PLSCR4: variants seen among roughly 807,000 people sequenced by gnomAD.
PLSCR4 encodes the protein phospholipid scramblase 4, also known as Ca(2+)-dependent phospholipid scramblase 4.
PLSCR4 carries 25 observed loss-of-function variants against 36.3 expected under a neutral mutation model. The ratio of observed to expected loss-of-function variants is 0.69; its 90% CI spans 0.50 to 0.96. PLSCR4 has a LOEUF of 0.96. Ranked by LOEUF, PLSCR4 falls within the 40% of genes least tolerant of loss-of-function variation. The pLI is 0.00. For synonymous variants in PLSCR4, 122 were observed against 132.9 expected, an observed-to-expected ratio of 0.92 and a Z score of 0.56; for missense variants, 408 against 414.7, an observed-to-expected ratio of 0.98 and a Z score of 0.14.
chr3:146,213,334 C>CTTTTT (rs60242461), intron 3 of PLSCR4, among the ~76,000 whole-genome samples: 5,471 of 125,384 alleles, frequency 0.044, 279 homozygotes, highest in Middle Eastern at 0.066. Flanking sequence ...GTAAAATTTC[C>CTTTTT]TTTTTTTTTT....
At chr3:146,222,869 T>C (rs1386670851) in intron 1 of PLSCR4, among the ~76,000 whole-genome samples, 1 of 151,758 alleles carries the variant, frequency 6.6e-6, no homozygotes, top group East Asian at 1.9e-4. Context: ...CCAGCTTAGA[T>C]GGGGGAGGTG....
At chr3:146,223,829 TAA>T (rs1310776146) in intron 1 of PLSCR4, 1 of 144,888 alleles carries the variant, frequency 6.9e-6, no homozygotes, top group African/African-American at 2.5e-5. Flanking sequence ...TACTTTTATA[TAA>T]TATATATTAT....
At chr3:146,195,057 T>C in intron 8 of PLSCR4, 67 bp downstream of exon 8, 1 of 1,396,236 alleles carries the variant, frequency 7.2e-7, no homozygotes, top group East Asian at 2.3e-5. Context: ...TTCTTTATAC[T>C]ACACTATACT....
At chr3:146,243,571 G>C (rs956402295) in intron 1 of PLSCR4, among the ~76,000 whole-genome samples, 4 of 152,094 alleles carry the variant, frequency 2.6e-5, no homozygotes, top group Non-Finnish European at 5.9e-5. Context: ...GCACCAACAT[G>C]ATGTCACAAG....
chr3:146,199,086 A>C (rs942785511), intron 6 of PLSCR4, among the ~76,000 whole-genome samples: 1 of 152,178 alleles, frequency 6.6e-6, no homozygotes, highest in Non-Finnish European at 1.5e-5. Flanking sequence ...GATGTTATTT[A>C]ACAGATCATT....
intron 8 of PLSCR4, 127 bp downstream of exon 8, chr3:146,194,997 A>G: frequency 1.4e-6 from 1 of 712,116 alleles, no homozygotes; most frequent in South Asian, 2.2e-5. Context: ...TTTCTAAACC[A>G]TGTAACTAGT....
intron 3 of PLSCR4, among the ~76,000 whole-genome samples, chr3:146,213,006 T>C (rs1176111975): frequency 1.3e-5 from 2 of 152,208 alleles, no homozygotes; most frequent in Non-Finnish European, 2.9e-5. Flanking sequence ...ATTAATATAG[T>C]ACATACATTG....
intron 3 of PLSCR4, among the ~76,000 whole-genome samples, chr3:146,211,432 T>C (rs959832481): frequency 6.6e-6 from 1 of 152,174 alleles, no homozygotes; most frequent in African/African-American, 2.4e-5. Flanking sequence ...ATAAATGTTC[T>C]TTATATATTC....
rs1276887392 is a variant in PLSCR4 at position 146,193,549 on chromosome 3, T to A, written c.*862A>T. On this transcript the variant is annotated 3_prime_UTR_variant, in exon 9 of 9. Coordinates refer to ENST00000354952, the MANE Select transcript of PLSCR4 (RefSeq NM_020353.3). Reference sequence around the variant, plus strand: ...ATCTTAGAGATCTGGCAACTTATTTTATATATAAGGCATCTGTGACCAAGA... The same window carrying A: ...ATCTTAGAGATCTGGCAACTTATTTAATATATAAGGCATCTGTGACCAAGA... 1 of 152,224 alleles carries A rather than the reference T, an allele frequency of 6.6e-6. No homozygotes were observed. The highest frequency in any genetic ancestry group is 1.9e-4 in the East Asian group (1 of 5,202). 9.4% of individuals were successfully genotyped at this position (152,224 alleles called of 1,614,324 possible).
intron 5 of PLSCR4, among the ~76,000 whole-genome samples, chr3:146,200,499 G>A (rs2108219291): frequency 6.6e-6 from 1 of 152,174 alleles, no homozygotes; most frequent in South Asian, 2.1e-4. Context: ...GTGCACAGCT[G>A]GTTTAGTGAG....
chr3:146,234,368 T>TA (rs1559924439), intron 1 of PLSCR4, among the ~76,000 whole-genome samples: 1 of 152,138 alleles, frequency 6.6e-6, no homozygotes, highest in East Asian at 1.9e-4. Context: ...TCACAGTTTT[T>TA]AAAAAATTTT....
Position 146,235,410 on chromosome 3 carries a change from A to T in PLSCR4, c.-21-13318T>A, listed in dbSNP as rs557476562. ...TCTGGCTCCCCATTTGCCTTCTGCCATGACTGTAAGTTTCCTGAGGCCTCC... is the reference window on the plus strand; with the variant it reads ...TCTGGCTCCCCATTTGCCTTCTGCCTTGACTGTAAGTTTCCTGAGGCCTCC... On this transcript the variant is annotated intron_variant, in intron 1 of 8. Coordinates refer to ENST00000354952, the MANE Select transcript of PLSCR4 (RefSeq NM_020353.3). Among the ~76,000 whole-genome samples, 75 of 152,208 alleles carry T rather than the reference A, an allele frequency of 4.9e-4. 1 individual carries two copies. The highest frequency in any genetic ancestry group is 1.6e-3 in the African/African-American group (67 of 41,520).
chr3:146,235,856 A>G lies in PLSCR4; in HGVS notation c.-21-13764T>C, dbSNP rs201198893. ...GGTACTTCTGTTCCTTAACAAAGCA[A>G]TTGGCTGCACTGTGCCCCTGCCCTA... On this transcript the variant is annotated intron_variant, in intron 1 of 8. Transcript: ENST00000354952. Among the ~76,000 whole-genome samples the G allele has an allele frequency of 6.6e-5, 10 of 152,282 alleles. No homozygotes were observed. In the East Asian group the frequency reaches 1.9e-3, roughly 29 times the overall value.
chr3:146,197,570 C>T (rs574880228), intron 6 of PLSCR4, among the ~76,000 whole-genome samples: 43 of 152,220 alleles, frequency 2.8e-4, no homozygotes, highest in African/African-American at 1.0e-3. Context: ...AAAATGTGTA[C>T]ATGGGTTTAT....
chr3:146,207,185 T>C (rs974366840), intron 3 of PLSCR4, among the ~76,000 whole-genome samples: 1 of 152,132 alleles, frequency 6.6e-6, no homozygotes, highest in Non-Finnish European at 1.5e-5. Context: ...ATTATGTCTA[T>C]TGTTATTGTT....
At chr3:146,207,123 T>G (rs2034379036) in intron 3 of PLSCR4, among the ~76,000 whole-genome samples, 1 of 152,158 alleles carries the variant, frequency 6.6e-6, no homozygotes, top group Admixed American at 6.6e-5. Context: ...ACTAACGTAT[T>G]AATTACTAAC....
intron 1 of PLSCR4, among the ~76,000 whole-genome samples, chr3:146,240,037 A>G (rs1398503008): frequency 6.6e-6 from 1 of 152,184 alleles, no homozygotes; most frequent in Non-Finnish European, 1.5e-5. Flanking sequence ...AAATAAATAA[A>G]TTGGACTCAT....
At position 146,192,768 on chromosome 3, in the gene PLSCR4, T is replaced by A. The variant is rs1414586515; in HGVS notation, c.*1643A>T. The A allele has an allele frequency of 1.3e-5, 2 of 151,976 alleles. No homozygotes were observed. The highest frequency in any genetic ancestry group is 2.9e-5 in the Non-Finnish European group (2 of 67,982). The allele number at this position is 151,976 out of a possible 1,614,324, so 9.4% of individuals were successfully genotyped here. ...AGTCTACTTACGATTGCAATGGCAC[T>A]TTCAAATATAAGGCAATTAATATTT... On this transcript the variant is annotated 3_prime_UTR_variant, in exon 9 of 9. Coordinates refer to ENST00000354952, the MANE Select transcript of PLSCR4 (RefSeq NM_020353.3).
intron 1 of PLSCR4, among the ~76,000 whole-genome samples, chr3:146,244,224 A>G (rs951458512): frequency 2.0e-5 from 3 of 152,164 alleles, no homozygotes; most frequent in Non-Finnish European, 4.4e-5. Flanking sequence ...CGTTTCATAC[A>G]CAACATTATC....
Sources: allele counts gnomAD v4.1 joint callset (sites outside exome capture counted in the v4.1 genomes callset), GRCh38; gene constraint gnomAD v4.1.1; transcripts MANE v1.5; gene names NCBI Gene and HGNC (gene_info 2026-07-23, HGNC 2026-07-21).